ZNF23: variants seen among roughly 807,000 people sequenced by gnomAD.
ZNF23 encodes the protein kruppel-like zinc finger factor X31.
In ZNF23, 48 loss-of-function variants were observed where a neutral mutation model predicts 56.2. The ratio of observed to expected loss-of-function variants is 0.85; its 90% CI spans 0.68 to 1.09. The LOEUF is 1.09. ZNF23 is among the 50% of genes least tolerant of loss of function. ZNF23 has a pLI of 0.00. For synonymous variants in ZNF23, 266 were observed against 283.3 expected, an observed-to-expected ratio of 0.94 and a Z score of 0.61; for missense variants, 805 against 811.4, an observed-to-expected ratio of 0.99 and a Z score of 0.10.
chr16:71,456,708 A>C, intron 2 of ZNF23, 56 bp downstream of exon 2: 2 of 985,992 alleles, frequency 2.0e-6, no homozygotes, highest in Non-Finnish European at 1.2e-6. Flanking sequence ...TCCCCTTCTC[A>C]ATGTTTTTCA....
At chr16:71,461,350 T>C (rs2043448361) in intron 1 of ZNF23, among the ~76,000 whole-genome samples, 1 of 152,034 alleles carries the variant, frequency 6.6e-6, no homozygotes, top group Non-Finnish European at 1.5e-5. Context: ...ACCCAAAATG[T>C]AATACAAAGA....
chr16:71,448,003 G>A lies in ZNF23; in HGVS notation c.*90C>T. ...CATATGAAGACTCTGCCATATTCATGCCCTCTTGGAGGTTTTTCAATGGAT... is the reference window on the plus strand; with the variant it reads ...CATATGAAGACTCTGCCATATTCATACCCTCTTGGAGGTTTTTCAATGGAT... On this transcript the variant is annotated 3_prime_UTR_variant, in exon 5 of 5. Transcript: ENST00000647773. The A allele has an allele frequency of 9.8e-7, 1 of 1,025,168 alleles. No individual in the cohort carries two copies. The highest frequency in any genetic ancestry group is 1.4e-6 in the Non-Finnish European group (1 of 713,626). 63.5% of individuals were successfully genotyped at this position (1,025,168 alleles called of 1,614,324 possible).
chr16:71,451,163 T>A (rs2043045395), intron 4 of ZNF23: 1 of 152,426 alleles, frequency 6.6e-6, no homozygotes, highest in African/African-American at 2.4e-5. Flanking sequence ...CCTAAAAATC[T>A]TTTTATAATC....
At chr16:71,455,452 G>A (rs1041643793) in intron 2 of ZNF23, among the ~76,000 whole-genome samples, 1 of 152,078 alleles carries the variant, frequency 6.6e-6, no homozygotes, top group Non-Finnish European at 1.5e-5. Flanking sequence ...TGCCTCCCGG[G>A]CTCAAGCAAT....
rs1596992878 is a variant in ZNF23, at chr16:71,448,653, T to C, written c.1501A>G (p.Ser501Gly). ...YECNECGKAF[S>G]VNGKLMRHQR... ...TGCCGCATTAGTTTCCCATTAACGC[T>C]GAAGGCCTTTCCACACTCATTACAC... Residue 501 changes from serine (S) to glycine (G), a missense_variant, in exon 5 of 5, where the codon AGC (serine) becomes GGC (glycine). Transcript: ENST00000647773. 1 of 1,614,204 alleles carries C rather than the reference T, an allele frequency of 6.2e-7. No individual in the cohort carries two copies. Among genetic ancestry groups the C allele is most frequent in the Middle Eastern group, 1.6e-4 (1 of 6,062 alleles).
At chr16:71,460,324 T>A (rs2043396894) in intron 1 of ZNF23, among the ~76,000 whole-genome samples, 1 of 152,200 alleles carries the variant, frequency 6.6e-6, no homozygotes, top group South Asian at 2.1e-4. Flanking sequence ...GATAGTTTTT[T>A]TTTTTAAATA....
At chr16:71,457,391 C>T (rs1156756961) in intron 1 of ZNF23, among the ~76,000 whole-genome samples, 1 of 152,120 alleles carries the variant, frequency 6.6e-6, no homozygotes, top group Non-Finnish European at 1.5e-5. Flanking sequence ...GGTGAAACCC[C>T]GTCTCTACTA....
At chr16:71,455,107 A>T (rs2043180686) in intron 2 of ZNF23, among the ~76,000 whole-genome samples, 1 of 152,212 alleles carries the variant, frequency 6.6e-6, no homozygotes, top group Non-Finnish European at 1.5e-5. Flanking sequence ...CAGCAATTCT[A>T]GTCCAACCTT....
At chr16:71,456,603 T>A (rs1597001713) in intron 2 of ZNF23, 161 bp downstream of exon 2, 1 of 703,164 alleles carries the variant, frequency 1.4e-6, no homozygotes, top group Non-Finnish European at 1.7e-6. Flanking sequence ...CACTCGCTAC[T>A]GTCCTGGTCT....
chr16:71,455,882 ACT>A (rs993220290), intron 2 of ZNF23, among the ~76,000 whole-genome samples: 12 of 151,806 alleles, frequency 7.9e-5, no homozygotes, highest in African/African-American at 2.9e-4. Flanking sequence ...TCACACAATA[ACT>A]CTGTGATCCT....
chr16:71,450,854 C>G (rs1417625083), intron 4 of ZNF23: 1 of 209,822 alleles, frequency 4.8e-6, no homozygotes, highest in Admixed American at 6.1e-5. Flanking sequence ...CAGTTCCTTA[C>G]TTAAAAAAAA....
chr16:71,451,612 C>T (rs72795869), intron 4 of ZNF23: 18,752 of 152,188 alleles, frequency 0.12, 1,257 homozygotes, highest in Non-Finnish European at 0.15. Flanking sequence ...GTCTATTAGC[C>T]GGGAAGCAGG....
chr16:71,453,151 C>T (rs1302618009), intron 4 of ZNF23, 92 bp downstream of exon 4: 1 of 857,632 alleles, frequency 1.2e-6, no homozygotes, highest in South Asian at 1.6e-5. Context: ...TATGACTGGC[C>T]AATAAACACA....
intron 4 of ZNF23, 70 bp from the exon 5 acceptor site, chr16:71,449,955 A>G: frequency 7.9e-7 from 1 of 1,273,524 alleles, no homozygotes; most frequent in Non-Finnish European, 1.1e-6. Flanking sequence ...ACTGTGCTAT[A>G]AAAGACCATA....
chr16:71,450,627 G>A (rs2043024690), intron 4 of ZNF23: 1 of 419,128 alleles, frequency 2.4e-6, no homozygotes. Context: ...GATGAGGCAG[G>A]AGAATTGCTC....
chr16:71,447,620 T>G lies in ZNF23; in HGVS notation c.*473A>C, dbSNP rs1486543489. On this transcript the variant is annotated 3_prime_UTR_variant, in exon 5 of 5. Transcript: ENST00000647773. ...CCTTTTTCCTTTTTTAAATAAATCT[T>G]TATTTTTCATCTTTTCAAAAGTAAT... 1.3e-5 allele frequency: 2 copies of G among 152,474 alleles called. No homozygotes were observed. The highest frequency in any genetic ancestry group is 2.9e-5 in the Non-Finnish European group (2 of 68,228). 9.4% of individuals were successfully genotyped at this position (152,474 alleles called of 1,614,324 possible).
rs1174515304 is a variant in ZNF23, at chr16:71,448,131, T to A, written c.2023A>T (p.Ser675Cys). 16 of 1,612,744 alleles carry A rather than the reference T, an allele frequency of 9.9e-6. 1 individual carries two copies. The highest frequency in any genetic ancestry group is 1.3e-5 in the Non-Finnish European group (15 of 1,179,548). ...GKAFRFSFQL[S>C]QHQSVHSEGK... ...TCACTATGGACACTCTGATGCTGAC[T>A]GAGCTGGAAGCTAAACCTGAATGCT... The change falls in exon 5 of 5, where the codon AGT becomes TGT. Residue 675 changes from serine (S) to cysteine (C), a missense_variant. Physicochemically the swap from Ser to Cys is moderately radical, Grantham distance 112 (BLOSUM62 -1). Coordinates refer to ENST00000647773, the MANE Select transcript of ZNF23 (RefSeq NM_001381984.1).
chr16:71,461,274 T>C (rs1467294986), intron 1 of ZNF23, among the ~76,000 whole-genome samples: 1 of 151,996 alleles, frequency 6.6e-6, no homozygotes, highest in Non-Finnish European at 1.5e-5. Flanking sequence ...TACTACTATA[T>C]ATGTAACATA....
At position 71,449,491 on chromosome 16, in the gene ZNF23, C is replaced by T; in HGVS notation, c.663G>A (p.Arg221=). Residue 221 remains arginine (R), a synonymous_variant, in exon 5 of 5, where the codon AGG becomes AGA. Transcript: ENST00000647773. ...GATGTTGAATAAGTTGAGAGTCACA[C>T]CTAAAGGGCTCTACTAATTCTTCAC... The part of the protein sequence containing the change: ...FKCEELVEPF[R]CDSQLIQHQE... 1.2e-6 allele frequency: 2 copies of T among 1,614,148 alleles called. No individual in the cohort carries two copies. Among genetic ancestry groups the T allele is most frequent in the Middle Eastern group, 1.6e-4 (1 of 6,062 alleles).
Sources: allele counts gnomAD v4.1 joint callset (sites outside exome capture counted in the v4.1 genomes callset), GRCh38; gene constraint gnomAD v4.1.1; transcripts MANE v1.5; gene names NCBI Gene and HGNC (gene_info 2026-07-23, HGNC 2026-07-21).